Variants in IKBKB-DT observed in about 807,000 individuals in gnomAD.
IKBKB-DT encodes IKBKB antisense RNA.
chr8:42,252,997 C>G (rs534071871), intron 3 of IKBKB-DT, among the ~76,000 whole-genome samples: 4 of 152,292 alleles, frequency 2.6e-5, no homozygotes, highest in African/African-American at 9.6e-5. Flanking sequence ...AAATTTGTAT[C>G]TGTAAAGAAT....
chr8:42,269,781 T>G (rs773787343), intron 1 of IKBKB-DT, among the ~76,000 whole-genome samples: 1 of 152,102 alleles, frequency 6.6e-6, no homozygotes, highest in Non-Finnish European at 1.5e-5. Context: ...ACCCCAGGGC[T>G]GTCAGGCACT....
chr8:42,239,748 T>A (rs1806977034), intron 3 of IKBKB-DT, among the ~76,000 whole-genome samples: 1 of 149,802 alleles, frequency 6.7e-6, no homozygotes, highest in Non-Finnish European at 1.5e-5. Context: ...CAGGTTCAAG[T>A]GATTCTCCTG....
At chr8:42,238,024 CAAAAAAAAAAAAAAAA>C (rs35087510) in intron 3 of IKBKB-DT, among the ~76,000 whole-genome samples, 504 of 35,262 alleles carry the variant, frequency 0.014, 12 homozygotes, top group Middle Eastern at 0.056. Flanking sequence ...GGCCCTCTCT[CAAAAAAAAAAAAAAAA>C]AAAAAAAAAA....
chr8:42,239,692 C>A (rs1395024824), intron 3 of IKBKB-DT, among the ~76,000 whole-genome samples: 1 of 129,074 alleles, frequency 7.7e-6, no homozygotes, highest in Admixed American at 9.3e-5. Context: ...CTTGCCGAGG[C>A]TAGAGTGCAA....
chr8:42,252,628 A>G (rs1257427890), intron 3 of IKBKB-DT, among the ~76,000 whole-genome samples: 6 of 152,214 alleles, frequency 3.9e-5, no homozygotes, highest in African/African-American at 1.4e-4. Context: ...TGGCCTCCCA[A>G]TGTGCTGGGA....
intron 3 of IKBKB-DT, among the ~76,000 whole-genome samples, chr8:42,262,426 TTTTA>T (rs57144579): frequency 8.3e-5 from 12 of 144,286 alleles, no homozygotes; most frequent in African/African-American, 1.7e-4. Flanking sequence ...TACCACATTC[TTTTA>T]TTTATTTATT....
chr8:42,240,108 T>A (rs1278907645), intron 3 of IKBKB-DT, among the ~76,000 whole-genome samples: 1 of 152,108 alleles, frequency 6.6e-6, no homozygotes, highest in Admixed American at 6.6e-5. Context: ...GTTCTGTACA[T>A]AAACTATGAT....
At chr8:42,245,852 ATAAAAGGATGTTTACTGCAGATACACG>A (rs1338292524) in intron 3 of IKBKB-DT, among the ~76,000 whole-genome samples, 1 of 152,218 alleles carries the variant, frequency 6.6e-6, no homozygotes, top group Admixed American at 6.5e-5. Flanking sequence ...CTCTTGACAT[ATAAAAGGATGTTTACTGCAGATACACG>A]TAAAAGGATG....
chr8:42,258,442 G>C (rs1195689525), intron 3 of IKBKB-DT, among the ~76,000 whole-genome samples: 1 of 151,686 alleles, frequency 6.6e-6, no homozygotes, highest in African/African-American at 2.4e-5. Context: ...ACCATGCCTA[G>C]CTCCATTCAG....
intron 3 of IKBKB-DT, among the ~76,000 whole-genome samples, chr8:42,234,704 A>C (rs1315422279): frequency 6.6e-6 from 1 of 152,090 alleles, no homozygotes; most frequent in East Asian, 1.9e-4. Context: ...ATCTTGGCTC[A>C]CTGCAACCTC....
At chr8:42,242,150 G>T (rs1349147178) in intron 3 of IKBKB-DT, among the ~76,000 whole-genome samples, 1 of 152,114 alleles carries the variant, frequency 6.6e-6, no homozygotes, top group South Asian at 2.1e-4. Flanking sequence ...AGAAGGCAGA[G>T]GTTGCAGTGA....
chr8:42,268,157 G>A (rs1319654069), intron 1 of IKBKB-DT, among the ~76,000 whole-genome samples: 1 of 139,870 alleles, frequency 7.1e-6, no homozygotes, highest in East Asian at 2.0e-4. Context: ...TTTTTTAGAT[G>A]GAGTTTTGCT....
chr8:42,239,881 C>T (rs972150827), intron 3 of IKBKB-DT, among the ~76,000 whole-genome samples: 2 of 151,526 alleles, frequency 1.3e-5, no homozygotes, highest in African/African-American at 4.8e-5. Flanking sequence ...TTAGGTGATC[C>T]ACCTGGCTCA....
chr8:42,258,493 C>T (rs1403235213), intron 3 of IKBKB-DT, among the ~76,000 whole-genome samples: 1 of 149,814 alleles, frequency 6.7e-6, no homozygotes, highest in Non-Finnish European at 1.5e-5. Flanking sequence ...GAGACGGAGT[C>T]TCACTCTGTC....
intron 1 of IKBKB-DT, among the ~76,000 whole-genome samples, chr8:42,269,247 G>A (rs192083758): frequency 9.9e-5 from 15 of 150,860 alleles, no homozygotes; most frequent in Admixed American, 6.6e-4. Flanking sequence ...TTGAACCCAG[G>A]AGGTCAAGAC....
Position 42,257,455 on chromosome 8 carries a change from C to T in IKBKB-DT, n.1529+5874G>A, listed in dbSNP as rs535523028. 9.9e-5 allele frequency among the ~76,000 whole-genome samples: 15 copies of T among 151,486 alleles called. No homozygotes were observed. The East Asian group carries it at 1.4e-3, about 14-fold the overall frequency. On this transcript the variant is annotated intron_variant and non_coding_transcript_variant, in intron 3 of 3. Coordinates refer to ENST00000518213, the Ensembl canonical transcript of IKBKB-DT. ...GGTGGAGGTTACAGTGAGCCAAGATCGCGCCACTGCACTCCAGCCTGGCAA... is the reference window on the plus strand; with the variant it reads ...GGTGGAGGTTACAGTGAGCCAAGATTGCGCCACTGCACTCCAGCCTGGCAA...
At chr8:42,243,568 A>C (rs1807029338) in intron 3 of IKBKB-DT, among the ~76,000 whole-genome samples, 2 of 152,310 alleles carry the variant, frequency 1.3e-5, no homozygotes, top group Middle Eastern at 3.4e-3. Flanking sequence ...AATTGACATC[A>C]TGGACAGTAG....
intron 3 of IKBKB-DT, among the ~76,000 whole-genome samples, chr8:42,238,024 CAAAAAAAAAAAAAAAAAA>C: frequency 2.8e-5 from 1 of 35,254 alleles, no homozygotes; most frequent in Non-Finnish European, 8.4e-5. Flanking sequence ...GGCCCTCTCT[CAAAAAAAAAAAAAAAAAA>C]AAAAAAAAAA....
chr8:42,253,118 G>A (rs1347254986), intron 3 of IKBKB-DT, among the ~76,000 whole-genome samples: 3 of 152,132 alleles, frequency 2.0e-5, no homozygotes, highest in Non-Finnish European at 4.4e-5. Flanking sequence ...ATCATCTATT[G>A]TCTCTAAGGG....
Sources: allele counts gnomAD v4.1 joint callset (sites outside exome capture counted in the v4.1 genomes callset), GRCh38; gene constraint gnomAD v4.1.1; transcripts MANE v1.5; gene names NCBI Gene and HGNC (gene_info 2026-07-23, HGNC 2026-07-21).